KLF12: variants seen among roughly 807,000 people sequenced by gnomAD.
KLF12 encodes the protein Krueppel-like factor 12.
In KLF12, 9 loss-of-function variants were observed where a neutral mutation model predicts 37.8. The observed-to-expected ratio is 0.24, with a 90% confidence interval of 0.14 to 0.42. KLF12 has a LOEUF of 0.42. KLF12 is among the 10% of genes least tolerant of loss of function. The pLI is 1.00. For synonymous variants in KLF12, 208 were observed against 202.1 expected (o/e 1.03, Z -0.25); for missense variants, 411 against 516.0 (o/e 0.80, Z 1.97).
chr13:73,779,901 A>G (rs1006877378), intron 5 of KLF12, among the ~76,000 whole-genome samples: 5 of 152,230 alleles, frequency 3.3e-5, no homozygotes, highest in African/African-American at 1.2e-4. Context: ...AGCAAAATTA[A>G]TTGAAAACCT....
At chr13:74,181,104 T>C in the KLF12 span, among the ~76,000 whole-genome samples, 11 of 152,014 alleles carry the variant, frequency 7.2e-5, no homozygotes, top group Non-Finnish European at 1.5e-5. Context: ...GTTCAAGCAA[T>C]TCTCCTGCCT....
At chr13:73,815,082 C>T (rs943802003) in intron 4 of KLF12, among the ~76,000 whole-genome samples, 1 of 151,872 alleles carries the variant, frequency 6.6e-6, no homozygotes, top group Admixed American at 6.6e-5. Context: ...TCTGTACCTC[C>T]TCAAATGTTA....
At chr13:73,761,566 CTCTG>C (rs540472240) in intron 6 of KLF12, among the ~76,000 whole-genome samples, 7 of 152,262 alleles carry the variant, frequency 4.6e-5, no homozygotes, top group South Asian at 2.1e-4. Flanking sequence ...AATCCTTTTC[CTCTG>C]TCTTTTTCAC....
chr13:74,252,187 T>G, the KLF12 span, among the ~76,000 whole-genome samples: 1 of 152,226 alleles, frequency 6.6e-6, no homozygotes, highest in Non-Finnish European at 1.5e-5. Flanking sequence ...TATAGATTAT[T>G]GACCTAACGC....
chr13:74,154,851 C>A, the KLF12 span, among the ~76,000 whole-genome samples: 1 of 152,186 alleles, frequency 6.6e-6, no homozygotes, highest in Non-Finnish European at 1.5e-5. Context: ...ACTATGGGTT[C>A]TCCGTATAGC....
At chr13:73,927,059 A>C (rs1889424555) in intron 3 of KLF12, among the ~76,000 whole-genome samples, 1 of 152,242 alleles carries the variant, frequency 6.6e-6, no homozygotes, top group Non-Finnish European at 1.5e-5. Context: ...TGAAACTCAA[A>C]TGTCTTACCA....
rs1873596075 is a variant in KLF12 at position 73,688,022 on chromosome 13, T to C, written c.*7468A>G. The C allele has an allele frequency of 6.6e-6, 1 of 152,450 alleles. No individual in the cohort carries two copies. The highest frequency in any genetic ancestry group is 1.5e-5 in the Non-Finnish European group (1 of 68,042). The allele number at this position is 152,450 out of a possible 1,614,324, so 9.4% of individuals were successfully genotyped here. On this transcript the variant is annotated 3_prime_UTR_variant, in exon 8 of 8. Coordinates refer to ENST00000377669, the MANE Select transcript of KLF12 (RefSeq NM_007249.5). ...GGTTGTGCACATGGAACACTTGCTT[T>C]GAGCATGGAAGAGAATTTGTTTATA...
the KLF12 span, among the ~76,000 whole-genome samples, chr13:74,192,187 A>T: frequency 7.9e-5 from 12 of 152,268 alleles, no homozygotes; most frequent in South Asian, 2.3e-3. Flanking sequence ...GGAAAATAGT[A>T]ACAACTTACT....
At chr13:73,718,413 A>G (rs563878391) in intron 6 of KLF12, among the ~76,000 whole-genome samples, 21 of 152,204 alleles carry the variant, frequency 1.4e-4, no homozygotes, top group Non-Finnish European at 1.5e-4. Flanking sequence ...CATCAAAATG[A>G]AGACAAGTGG....
chr13:73,993,871 T>G (rs1253486092), intron 2 of KLF12, among the ~76,000 whole-genome samples: 2 of 134,584 alleles, frequency 1.5e-5, no homozygotes, highest in Non-Finnish European at 1.7e-5. Flanking sequence ...CTCCCCTCCT[T>G]CTCCCAGAGA....
chr13:74,174,236 G>T, the KLF12 span, among the ~76,000 whole-genome samples: 4 of 151,996 alleles, frequency 2.6e-5, no homozygotes, highest in East Asian at 5.8e-4. Flanking sequence ...GGAAGATTAG[G>T]CTTGTCTATT....
intron 5 of KLF12, among the ~76,000 whole-genome samples, chr13:73,770,399 A>G (rs1880192150): frequency 6.6e-6 from 1 of 152,202 alleles, no homozygotes; most frequent in Non-Finnish European, 1.5e-5. Flanking sequence ...GACTATTAGA[A>G]ATGCCATATA....
intron 3 of KLF12, among the ~76,000 whole-genome samples, chr13:73,941,861 C>A (rs1373307034): frequency 1.3e-5 from 2 of 152,088 alleles, no homozygotes; most frequent in Middle Eastern, 3.2e-3. Flanking sequence ...AAAAAAAGTT[C>A]TATTTCCCTC....
the KLF12 span, among the ~76,000 whole-genome samples, chr13:74,270,750 C>T: frequency 1.5e-4 from 23 of 152,226 alleles, no homozygotes; most frequent in East Asian, 3.9e-4. Flanking sequence ...GGGTAGCCTG[C>T]GAACCCTGGA....
chr13:73,821,619 G>A (rs903452555), intron 4 of KLF12, among the ~76,000 whole-genome samples: 51 of 152,086 alleles, frequency 3.4e-4, no homozygotes, highest in Non-Finnish European at 8.8e-5. Context: ...CATTTCTCTG[G>A]TAACTGAATG....
At chr13:73,946,632 G>A (rs774547168) in intron 2 of KLF12, among the ~76,000 whole-genome samples, 9 of 152,054 alleles carry the variant, frequency 5.9e-5, no homozygotes, top group Non-Finnish European at 1.3e-4. Context: ...AAGATTTCCT[G>A]GAAATCTTTC....
At chr13:74,000,882 GA>G (rs1246435735) in intron 1 of KLF12, among the ~76,000 whole-genome samples, 2 of 152,184 alleles carry the variant, frequency 1.3e-5, no homozygotes, top group Non-Finnish European at 2.9e-5. Context: ...ATAATGGTTT[GA>G]AAAGTAATTT....
chr13:73,797,594 AC>A (rs1882051400), intron 5 of KLF12, among the ~76,000 whole-genome samples: 1 of 151,764 alleles, frequency 6.6e-6, no homozygotes, highest in Non-Finnish European at 1.5e-5. Context: ...ACACAGCAAA[AC>A]CCCATTTCTA....
intron 6 of KLF12, among the ~76,000 whole-genome samples, chr13:73,743,450 C>CTTA (rs1019148161): frequency 4.6e-5 from 7 of 152,088 alleles, no homozygotes; most frequent in Non-Finnish European, 1.0e-4. Flanking sequence ...TATAAAATAA[C>CTTA]TATTGATCTG....
Sources: allele counts gnomAD v4.1 joint callset (sites outside exome capture counted in the v4.1 genomes callset), GRCh38; gene constraint gnomAD v4.1.1; transcripts MANE v1.5; gene names NCBI Gene and HGNC (gene_info 2026-07-23, HGNC 2026-07-21).